The following ADCY2 variants were observed in gnomAD, a reference collection of about 807,000 sequenced individuals.
ADCY2 encodes the protein adenylate cyclase type 2.
ADCY2 carries 31 observed loss-of-function variants against 125.2 expected under a neutral mutation model. The observed-to-expected ratio is 0.25, with a 90% confidence interval of 0.19 to 0.33. The LOEUF (loss-of-function observed/expected upper bound fraction) is 0.33, where lower values mean the gene tolerates loss of function less well. Among genes scored for constraint, ADCY2 ranks in the 10% least tolerant of loss-of-function variants. The pLI is 1.00. For missense variants in ADCY2, 904 were observed against 1,418.2 expected, an observed-to-expected ratio of 0.64 and a Z score of 5.82; for synonymous variants, 512 against 548.4, an observed-to-expected ratio of 0.93 and a Z score of 0.93.
At chr5:7,406,059 C>G (rs962464208) in intron 1 of ADCY2, among the ~76,000 whole-genome samples, 9 of 151,880 alleles carry the variant, frequency 5.9e-5, no homozygotes, top group African/African-American at 2.2e-4. Context: ...GGAGTTTTGC[C>G]ATATTGCCCA....
chr5:7,429,763 T>A (rs1399713180), intron 2 of ADCY2, among the ~76,000 whole-genome samples: 1 of 152,220 alleles, frequency 6.6e-6, no homozygotes, highest in Admixed American at 6.5e-5. Context: ...CCTAAGGCAG[T>A]GCTTAGCAGG....
intron 22 of ADCY2, among the ~76,000 whole-genome samples, chr5:7,809,800 T>A (rs1342128667): frequency 6.6e-6 from 1 of 152,250 alleles, no homozygotes; most frequent in Non-Finnish European, 1.5e-5. Flanking sequence ...ACTTTTTAAA[T>A]GAAATGATCC....
chr5:7,693,413 G>GTTTTTTTTTTTTTTTTTTTTTTTTT (rs70940751), intron 5 of ADCY2, among the ~76,000 whole-genome samples: 7 of 32,418 alleles, frequency 2.2e-4, no homozygotes, highest in Non-Finnish European at 4.9e-4. Flanking sequence ...GCTGTTTTTT[G>GTTTTTTTTTTTTTTTTTTTTTTTTT]TTTTTTTTTT....
At chr5:7,507,136 G>A (rs1268828254) in intron 2 of ADCY2, among the ~76,000 whole-genome samples, 1 of 151,636 alleles carries the variant, frequency 6.6e-6, no homozygotes, top group African/African-American at 2.4e-5. Context: ...AAGGGAGCCA[G>A]GGAGAGGTAA....
At chr5:7,624,290 GA>G (rs1738051553) in intron 3 of ADCY2, among the ~76,000 whole-genome samples, 1 of 152,230 alleles carries the variant, frequency 6.6e-6, no homozygotes, top group Admixed American at 6.5e-5. Context: ...GCATTGGGTA[GA>G]TGGAGAACAA....
At chr5:7,811,558 T>A (rs1243849172) in intron 22 of ADCY2, among the ~76,000 whole-genome samples, 2 of 152,110 alleles carry the variant, frequency 1.3e-5, no homozygotes, top group Non-Finnish European at 2.9e-5. Flanking sequence ...TGTTATTTTT[T>A]AAAACAATTA....
chr5:7,455,532 A>T (rs1741635851), intron 2 of ADCY2, among the ~76,000 whole-genome samples: 1 of 151,218 alleles, frequency 6.6e-6, no homozygotes, highest in African/African-American at 2.4e-5. Flanking sequence ...TTAAAATATC[A>T]CTTATTATAT....
chr5:7,683,814 G>T (rs1225039182), intron 4 of ADCY2, among the ~76,000 whole-genome samples: 1 of 152,188 alleles, frequency 6.6e-6, no homozygotes, highest in Non-Finnish European at 1.5e-5. Context: ...ATTCTGTTTT[G>T]CTCCTTGGGA....
At position 7,475,384 on chromosome 5, in the gene ADCY2, AT is replaced by A. The variant is rs879874681; in HGVS notation, c.409-45339del. Among the ~76,000 whole-genome samples the A allele has an allele frequency of 3.2e-3, 454 of 141,210 alleles. 1 individual carries two copies. The highest frequency in any genetic ancestry group is 7.4e-3 in the Middle Eastern group (2 of 272). 92.6% of individuals were successfully genotyped at this position (141,210 alleles called of 152,430 possible). On this transcript the variant is annotated intron_variant, in intron 2 of 24. Coordinates refer to ENST00000338316, the MANE Select transcript of ADCY2 (RefSeq NM_020546.3). ...GCTGGAGGACAGGGAGAAACTTGAG[AT>A]TTTTTTTTTTTTTTAGATAGAGTTT...
chr5:7,791,907 C>T (rs1744257884), intron 20 of ADCY2, among the ~76,000 whole-genome samples: 1 of 151,982 alleles, frequency 6.6e-6, no homozygotes, highest in Non-Finnish European at 1.5e-5. Flanking sequence ...GCTTCTGAAT[C>T]TGGAAATAAA....
In ADCY2 at chr5:7,414,662, T is replaced by C; in HGVS notation, c.300T>C (p.Ser100=). The change falls in exon 2 of 25, where the codon TCT becomes TCC. Residue 100 remains serine (S), a synonymous_variant. Transcript: ENST00000338316. The stretch of plus-strand genomic sequence containing the variant: ...TATTTATCCTGGTCTGCATCGAGTC[T>C]GTGTTTAAGAAGCTGCTGCGCCTCT... The part of the protein sequence containing the change: ...FAIFILVCIE[S]VFKKLLRLFS... The C allele has an allele frequency of 6.2e-7, 1 of 1,613,958 alleles. No homozygotes were observed. Among genetic ancestry groups the C allele is most frequent in the Non-Finnish European group, 8.5e-7 (1 of 1,179,984 alleles).
chr5:7,423,641 T>A (rs1740288391), intron 2 of ADCY2, among the ~76,000 whole-genome samples: 1 of 152,212 alleles, frequency 6.6e-6, no homozygotes, highest in African/African-American at 2.4e-5. Context: ...ACCTCTTTTC[T>A]TTATAAATTA....
chr5:7,469,719 C>G (rs893257209), intron 2 of ADCY2, among the ~76,000 whole-genome samples: 3 of 151,760 alleles, frequency 2.0e-5, no homozygotes, highest in Non-Finnish European at 4.4e-5. Context: ...TCATGGGTCA[C>G]ATGAGAAACA....
chr5:7,618,649 G>A (rs934346680), intron 3 of ADCY2, among the ~76,000 whole-genome samples: 7 of 152,208 alleles, frequency 4.6e-5, no homozygotes, highest in African/African-American at 1.7e-4. Flanking sequence ...GGTGGTGAAT[G>A]AAGAGAATTA....
At chr5:7,737,469 A>G (rs73737623) in intron 14 of ADCY2, among the ~76,000 whole-genome samples, 1,554 of 152,324 alleles carry the variant, frequency 0.01, 29 homozygotes, top group African/African-American at 0.036. Flanking sequence ...AATGGCTGCT[A>G]AGTAGAGAGT....
At chr5:7,417,926 C>G (rs1157818354) in intron 2 of ADCY2, among the ~76,000 whole-genome samples, 1 of 152,216 alleles carries the variant, frequency 6.6e-6, no homozygotes, top group Non-Finnish European at 1.5e-5. Flanking sequence ...TGTTCATTGA[C>G]AGATGACTGT....
chr5:7,704,556 C>G (rs1394291909), intron 7 of ADCY2, among the ~76,000 whole-genome samples: 1 of 152,112 alleles, frequency 6.6e-6, no homozygotes, highest in Non-Finnish European at 1.5e-5. Context: ...TTCTATAGAT[C>G]ATGTAAATTG....
intron 5 of ADCY2, among the ~76,000 whole-genome samples, chr5:7,693,884 T>A (rs1740803771): frequency 6.6e-6 from 1 of 152,198 alleles, no homozygotes; most frequent in African/African-American, 2.4e-5. Context: ...CAACTGCCCA[T>A]CCACACATGC....
At chr5:7,803,668 G>T (rs540589490) in intron 21 of ADCY2, among the ~76,000 whole-genome samples, 1 of 152,304 alleles carries the variant, frequency 6.6e-6, no homozygotes, top group Non-Finnish European at 1.5e-5. Context: ...GGTGGCCAAG[G>T]TGGGAGGATC....
Sources: gnomAD v4.1 joint callset for allele counts (sites outside exome capture counted in the v4.1 genomes callset) on GRCh38, gnomAD v4.1.1 for gene constraint, MANE v1.5 for transcripts, NCBI Gene and HGNC (gene_info 2026-07-23, HGNC 2026-07-21) for gene names.